The following TNS3 variants were observed in gnomAD, a reference collection of about 807,000 sequenced individuals.
TNS3 encodes tensin-3.
In TNS3, 45 loss-of-function variants were observed where a neutral mutation model predicts 140.9. That is an observed-to-expected ratio of 0.32 (90% CI 0.25 to 0.41). The LOEUF (loss-of-function observed/expected upper bound fraction) is 0.41. TNS3 is among the 10% of genes least tolerant of loss of function. TNS3 has a pLI of 1.00. For missense variants in TNS3, 1,716 were observed against 1,906.7 expected (o/e 0.90, Z 1.86); for synonymous variants, 815 against 788.4 (o/e 1.03, Z -0.56).
chr7:47,505,390 G>A (rs554179117), intron 3 of TNS3, among the ~76,000 whole-genome samples: 8 of 152,316 alleles, frequency 5.3e-5, no homozygotes, highest in Non-Finnish European at 1.0e-4. Flanking sequence ...AATCAGCTAC[G>A]CCTAGGAGTG....
intron 20 of TNS3, among the ~76,000 whole-genome samples, chr7:47,326,595 T>A (rs957734011): frequency 1.3e-5 from 2 of 152,006 alleles, no homozygotes; most frequent in African/African-American, 4.8e-5. Context: ...CGGGCCACCA[T>A]GGCTACAGGT....
chr7:47,388,064 G>A (rs1792174352), intron 16 of TNS3, among the ~76,000 whole-genome samples: 1 of 152,196 alleles, frequency 6.6e-6, no homozygotes, highest in African/African-American at 2.4e-5. Flanking sequence ...GACACAGATG[G>A]AAACTCAGCA....
Position 47,364,477 on chromosome 7 carries a change from T to A in TNS3, c.2281+3888A>T, listed in dbSNP as rs1790578360. On this transcript the variant is annotated intron_variant, in intron 17 of 30. Coordinates refer to ENST00000311160, the MANE Select transcript of TNS3 (RefSeq NM_022748.12). The stretch of plus-strand genomic sequence containing the variant: ...TTTGTAACTTTGTAGAGACAGGGTT[T>A]TGCCATGTTGGCCAGGCTGGTCTTG... Among the ~76,000 whole-genome samples, 7 of 152,228 alleles carry A rather than the reference T, an allele frequency of 4.6e-5. 1 individual carries two copies. The South Asian group carries it at 1.5e-3, about 32-fold the overall frequency.
intron 3 of TNS3, among the ~76,000 whole-genome samples, chr7:47,493,029 G>C (rs1472621037): frequency 6.6e-6 from 1 of 152,220 alleles, no homozygotes; most frequent in African/African-American, 2.4e-5. Context: ...GAAATCAATA[G>C]CAGGCTCTTC....
Position 47,524,595 on chromosome 7 carries a change from G to T in TNS3, c.-153+4441C>A, listed in dbSNP as rs536368636. The stretch of plus-strand genomic sequence containing the variant: ...AGGCGGGTGGATCATGAGGTCAGGA[G>T]ATCGAGACCATCCTGGCTAACAAGG... On this transcript the variant is annotated intron_variant, in intron 2 of 30. Coordinates refer to ENST00000311160, the MANE Select transcript of TNS3 (RefSeq NM_022748.12). 7.3e-5 allele frequency among the ~76,000 whole-genome samples: 11 copies of T among 151,150 alleles called. No homozygotes were observed. The East Asian group carries it at 2.2e-3, about 30-fold the overall frequency.
chr7:47,538,526 G>A (rs966458086), intron 1 of TNS3, among the ~76,000 whole-genome samples: 2 of 152,172 alleles, frequency 1.3e-5, no homozygotes, highest in African/African-American at 4.8e-5. Flanking sequence ...CTTGGATGTG[G>A]GGAGCAGTCT....
At chr7:47,534,997 C>T (rs924425445) in intron 1 of TNS3, among the ~76,000 whole-genome samples, 1 of 152,238 alleles carries the variant, frequency 6.6e-6, no homozygotes, top group African/African-American at 2.4e-5. Context: ...AAACACCTAA[C>T]AAACACATCT....
At chr7:47,316,094 T>TTCTCTCTTTCTCTCTC (rs1787382291) in intron 20 of TNS3, among the ~76,000 whole-genome samples, 1 of 105,782 alleles carries the variant, frequency 9.5e-6, no homozygotes, top group Non-Finnish European at 2.0e-5. Context: ...AACTAACTAT[T>TTCTCTCTTTCTCTCTC]TCTCTCTCTC....
chr7:47,387,527 G>A (rs572025507), intron 16 of TNS3, among the ~76,000 whole-genome samples: 64 of 152,332 alleles, frequency 4.2e-4, no homozygotes, highest in African/African-American at 1.5e-3. Flanking sequence ...CTCCATGTAA[G>A]GGTCCCTGTC....
chr7:47,414,865 C>A (rs1793987344), intron 11 of TNS3, among the ~76,000 whole-genome samples: 1 of 152,196 alleles, frequency 6.6e-6, no homozygotes, highest in South Asian at 2.1e-4. Context: ...TATTTCTGAT[C>A]CCCCTTGCTG....
chr7:47,574,567 T>A (rs1365531040), intron 1 of TNS3, among the ~76,000 whole-genome samples: 1 of 151,084 alleles, frequency 6.6e-6, no homozygotes, highest in Non-Finnish European at 1.5e-5. Context: ...AGCCGAAGGG[T>A]AGAAGTAACT....
At chr7:47,353,417 C>T (rs116120932) in intron 17 of TNS3, among the ~76,000 whole-genome samples, 2,173 of 152,294 alleles carry the variant, frequency 0.014, 55 homozygotes, top group African/African-American at 0.049. Context: ...TCTCTCTCTA[C>T]CCCAAATCTC....
chr7:47,299,017 T>C (rs1786222793), intron 23 of TNS3, among the ~76,000 whole-genome samples: 1 of 152,100 alleles, frequency 6.6e-6, no homozygotes, highest in Admixed American at 6.5e-5. Context: ...CAGGGCTGGG[T>C]GGGGGGCCTC....
At chr7:47,287,418 C>T (rs776616521) in intron 27 of TNS3, among the ~76,000 whole-genome samples, 17 of 152,100 alleles carry the variant, frequency 1.1e-4, no homozygotes, top group African/African-American at 2.7e-4. Context: ...ATCTTTATAA[C>T]GGGGAAATTG....
intron 16 of TNS3, among the ~76,000 whole-genome samples, chr7:47,377,433 G>C (rs1005968059): frequency 6.6e-6 from 1 of 152,192 alleles, no homozygotes; most frequent in Admixed American, 6.5e-5. Flanking sequence ...GGGTGTGGTC[G>C]GGGCCAGGAG....
rs1241101785 is a variant in TNS3, at chr7:47,275,569, T to C, written c.*2507A>G. 1 of 328,422 alleles carries C rather than the reference T, an allele frequency of 3.0e-6. No individual in the cohort carries two copies. The highest frequency in any genetic ancestry group is 2.2e-5 in the African/African-American group (1 of 45,966). The allele number at this position is 328,422 out of a possible 1,614,324, so 20.3% of individuals were successfully genotyped here. On this transcript the variant is annotated 3_prime_UTR_variant, in exon 31 of 31. Coordinates refer to ENST00000311160, the MANE Select transcript of TNS3 (RefSeq NM_022748.12). The stretch of plus-strand genomic sequence containing the variant: ...GTGGCCCTAGAGCCGGTGTCCACGG[T>C]GGGGGCTCTCTCACGGTTTCTGAGC...
At chr7:47,532,463 C>G (rs1799444301) in intron 1 of TNS3, among the ~76,000 whole-genome samples, 1 of 152,178 alleles carries the variant, frequency 6.6e-6, no homozygotes, top group African/African-American at 2.4e-5. Context: ...AGAGGAGCTA[C>G]CCTCTCTGCC....
At chr7:47,528,496 G>GC (rs888266807) in intron 2 of TNS3, among the ~76,000 whole-genome samples, 1 of 151,966 alleles carries the variant, frequency 6.6e-6, no homozygotes, top group Admixed American at 6.6e-5. Flanking sequence ...AGCAGCCCCT[G>GC]CCCCCCACCA....
At chr7:47,377,396 G>T (rs112847279) in intron 16 of TNS3, among the ~76,000 whole-genome samples, 4 of 152,162 alleles carry the variant, frequency 2.6e-5, no homozygotes, top group Non-Finnish European at 5.9e-5. Flanking sequence ...ACATTCTGGG[G>T]TGGAGACACT....
Sources: gnomAD v4.1 joint callset for allele counts (sites outside exome capture counted in the v4.1 genomes callset) on GRCh38, gnomAD v4.1.1 for gene constraint, MANE v1.5 for transcripts, NCBI Gene and HGNC (gene_info 2026-07-23, HGNC 2026-07-21) for gene names.